Variants in LPIN3 observed in about 807,000 individuals in gnomAD.
LPIN3 encodes lipin 3.
A neutral mutation model predicts 94.7 loss-of-function variants in LPIN3; 82 were observed. The ratio of observed to expected loss-of-function variants is 0.87; its 90% CI spans 0.72 to 1.04. LPIN3 has a LOEUF of 1.04. Ranked by LOEUF, LPIN3 falls within the 50% of genes least tolerant of loss-of-function variation. The pLI is 0.00. For missense variants in LPIN3, 996 were observed against 1,090.5 expected (o/e 0.91, Z 1.22); for synonymous variants, 418 against 443.3 (o/e 0.94, Z 0.72).
In LPIN3 at chr20:41,358,947, A is replaced by C. The variant is rs1383367373; in HGVS notation, c.*81A>C. 2.6e-6 allele frequency: 4 copies of C among 1,544,402 alleles called. No homozygotes were observed. The highest frequency in any genetic ancestry group is 3.5e-6 in the Non-Finnish European group (4 of 1,140,894). ...TGGGGTATAGGAGGGTGGGAATTGG[A>C]GTGTCATGGGGCAAACCCACTGAAG... On this transcript the variant is annotated 3_prime_UTR_variant, in exon 20 of 20. Coordinates refer to ENST00000373257, the MANE Select transcript of LPIN3 (RefSeq NM_022896.3).
At chr20:41,350,898 A>G (rs1407412698) in intron 7 of LPIN3, among the ~76,000 whole-genome samples, 1 of 152,196 alleles carries the variant, frequency 6.6e-6, no homozygotes, top group African/African-American at 2.4e-5. Context: ...GTGCTAGGAA[A>G]GCACGAGACC....
chr20:41,351,062 T>A (rs2146964884), intron 7 of LPIN3, among the ~76,000 whole-genome samples: 1 of 150,006 alleles, frequency 6.7e-6, no homozygotes, highest in East Asian at 2.0e-4. Context: ...GGCAATGTAG[T>A]GAGAACCCAT....
Position 41,352,128 on chromosome 20 carries a change from C to T in LPIN3, c.1271C>T (p.Pro424Leu), listed in dbSNP as rs1419412142. 1 of 1,614,248 alleles carries T rather than the reference C, an allele frequency of 6.2e-7. No individual in the cohort carries two copies. Among genetic ancestry groups the T allele is most frequent in the Admixed American group, 1.7e-5 (1 of 60,032 alleles). ...CAGAAGTCCCTGAGGGACCCCAACC[C>T]TGAACATGAACCTGAACCCACTCTG... is the stretch of plus-strand genomic sequence containing the variant. ...SSQKSLRDPN[P>L]EHEPEPTLDT... The change falls in exon 9 of 20, where the codon CCT (proline) becomes CTT (leucine). Residue 424 changes from proline (P) to leucine (L), a missense_variant. Transcript: ENST00000373257.
In LPIN3 at chr20:41,354,658, A is replaced by T. The variant is rs1388163304; in HGVS notation, c.1541A>T (p.Lys514Met). 6.3e-7 allele frequency: 1 copy of T among 1,589,458 alleles called. No individual in the cohort carries two copies. Among genetic ancestry groups the T allele is most frequent in the Non-Finnish European group, 8.6e-7 (1 of 1,166,132 alleles). The change falls in exon 12 of 20, where the codon AAG (lysine) becomes ATG (methionine). Residue 514 changes from lysine (K) to methionine (M), a missense_variant. Lys to Met is a moderately conservative substitution (Grantham distance 95). Coordinates refer to ENST00000373257, the MANE Select transcript of LPIN3 (RefSeq NM_022896.3). ...ATCTGCCCACAGAGCACCATGGACA[A>T]GCTGGAGAGGGAGAAGATGCCCCGG... ...QKNLPKSTMD[K>M]LEREKMPRKG...
rs548575179 is a variant in LPIN3 at position 41,350,309 on chromosome 20, C to A, written c.1014C>A (p.Gly338=). 6.2e-7 allele frequency: 1 copy of A among 1,612,198 alleles called. No homozygotes were observed. ...ESKTQSSGDM[G]LPPASKSWSW... is the part of the protein sequence containing the mutation. ...AGACTCAGAGCTCTGGGGACATGGGCCTCCCTCCTGCCTCCAAGTCATGGA... is the reference window on the plus strand; with the variant it reads ...AGACTCAGAGCTCTGGGGACATGGGACTCCCTCCTGCCTCCAAGTCATGGA... Residue 338 remains glycine (G), a synonymous_variant, in exon 7 of 20, where the codon GGC becomes GGA. Coordinates refer to ENST00000373257, the MANE Select transcript of LPIN3 (RefSeq NM_022896.3).
chr20:41,340,856 G>A lies in LPIN3; in HGVS notation c.-155G>A, dbSNP rs1246925440. 1 of 152,344 alleles carries A rather than the reference G, an allele frequency of 6.6e-6. No individual in the cohort carries two copies. Among genetic ancestry groups the A allele is most frequent in the Admixed American group, 6.5e-5 (1 of 15,288 alleles). 9.4% of individuals were successfully genotyped at this position (152,344 alleles called of 1,614,324 possible). A position where few individuals can be genotyped will look rare whatever the true frequency, so the allele number is the denominator to read the frequency against. On this transcript the variant is annotated 5_prime_UTR_variant, in exon 1 of 20. Transcript: ENST00000373257. ...CTGTGGAGGCCGCACTAGGATCGTA[G>A]AAGGAGTGGAGCCGTGCTCTCACCC...
At chr20:41,357,617 C>T (rs1250589345) in intron 16 of LPIN3, among the ~76,000 whole-genome samples, 170 bp downstream of exon 16, 1 of 152,228 alleles carries the variant, frequency 6.6e-6, no homozygotes, top group Non-Finnish European at 1.5e-5. Flanking sequence ...AAAGGCTCAT[C>T]CCCTGGGGCT....
At chr20:41,356,522 C>T (rs2046214006) in intron 14 of LPIN3, among the ~76,000 whole-genome samples, 1 of 152,230 alleles carries the variant, frequency 6.6e-6, no homozygotes, top group Non-Finnish European at 1.5e-5. Context: ...TGCCATCTGT[C>T]TGGTACCCTG....
At chr20:41,354,084 G>A (rs2046121966) in intron 11 of LPIN3, among the ~76,000 whole-genome samples, 1 of 152,196 alleles carries the variant, frequency 6.6e-6, no homozygotes, top group South Asian at 2.1e-4. Context: ...GACTTGGCCT[G>A]GCCTCTCCCT....
chr20:41,352,917 C>T (rs1251056071), intron 11 of LPIN3, 50 bp downstream of exon 11: 3 of 1,593,788 alleles, frequency 1.9e-6, no homozygotes, highest in Non-Finnish European at 1.7e-6. Context: ...GCCATAGACT[C>T]AGGGCACGGA....
intron 13 of LPIN3, among the ~76,000 whole-genome samples, chr20:41,355,305 A>C (rs1234893508): frequency 1.3e-5 from 2 of 152,114 alleles, no homozygotes; most frequent in Non-Finnish European, 2.9e-5. Flanking sequence ...GAGCCACCGC[A>C]AGCACTTCTA....
chr20:41,357,800 G>A (rs1361844104), intron 16 of LPIN3, 82 bp from the exon 17 acceptor site: 2 of 1,567,262 alleles, frequency 1.3e-6, no homozygotes, highest in Non-Finnish European at 1.7e-6. Flanking sequence ...CCACAGTTGG[G>A]CTGGGCAGGC....
chr20:41,358,271 G>T lies in LPIN3; in HGVS notation c.2227G>T (p.Val743Phe). The T allele has an allele frequency of 1.9e-6, 3 of 1,614,130 alleles. No individual in the cohort carries two copies. The highest frequency in any genetic ancestry group is 2.5e-6 in the Non-Finnish European group (3 of 1,180,034). Reference sequence around the variant, plus strand: ...CGAGAAGAAACCAGAGGTGTTCAAGGTCGCCTGCCTGAGTGACATCCAGCA... The same window carrying T: ...CGAGAAGAAACCAGAGGTGTTCAAGTTCGCCTGCCTGAGTGACATCCAGCA... The part of the protein sequence containing the change: ...VIEKKPEVFK[V>F]ACLSDIQQLF... The change falls in exon 18 of 20, where the codon GTC (valine) becomes TTC (phenylalanine). Residue 743 changes from valine (V) to phenylalanine (F), a missense_variant. Transcript: ENST00000373257.
chr20:41,348,947 C>A, intron 4 of LPIN3, 60 bp downstream of exon 4: 1 of 1,585,164 alleles, frequency 6.3e-7, no homozygotes, highest in Non-Finnish European at 8.6e-7. Flanking sequence ...GTTTCCTCTG[C>A]TCATGCTGTG....
rs6072351 is a variant in LPIN3, at chr20:41,359,499, G to C, written c.*633G>C. On this transcript the variant is annotated 3_prime_UTR_variant, in exon 20 of 20. Transcript: ENST00000373257. ...CTGTCAACCTGGGACCTTGCTGTAA[G>C]TCTTGATAGGACAGGGAGAAGAGGG... The C allele has an allele frequency of 0.31, 46,675 of 151,940 alleles. 8,118 individuals carry two copies. The highest frequency in any genetic ancestry group is 0.59 in the East Asian group (3,034 of 5,154). 9.4% of individuals were successfully genotyped at this position (151,940 alleles called of 1,614,324 possible). A position where few individuals can be genotyped will look rare whatever the true frequency, so the allele number is the denominator to read the frequency against.
Position 41,345,910 on chromosome 20 carries a change from T to C in LPIN3, c.107T>C (p.Val36Ala). The change falls in exon 2 of 20, where the codon GTG becomes GCG. Residue 36 changes from valine (V) to alanine (A), a missense_variant. Physicochemically the swap from Val to Ala is moderately conservative, Grantham distance 64. Transcript: ENST00000373257. ...TLSGGIDVLV[V>A]KQVDGSFRCS... ...AGCGGCGGCATTGACGTGCTGGTGGTGAAGCAGGTGGACGGCTCGTTCCGG... is the reference window on the plus strand; with the variant it reads ...AGCGGCGGCATTGACGTGCTGGTGGCGAAGCAGGTGGACGGCTCGTTCCGG... The C allele has an allele frequency of 6.2e-7, 1 of 1,614,124 alleles. No individual in the cohort carries two copies. Among genetic ancestry groups the C allele is most frequent in the Non-Finnish European group, 8.5e-7 (1 of 1,180,022 alleles).
At position 41,351,856 on chromosome 20, in the gene LPIN3, G is replaced by A; in HGVS notation, c.1138G>A (p.Asp380Asn). 6.2e-7 allele frequency: 1 copy of A among 1,614,222 alleles called. No individual in the cohort carries two copies. Among genetic ancestry groups the A allele is most frequent in the Admixed American group, 1.7e-5 (1 of 60,028 alleles). ...GAGAAGCCAGCACCTGGGCCCCAGT[G>A]ACATCTACCTGGATGACTTGCCCTC... ...PKRSQHLGPSDIYLDDLPSLD... is the reference protein window; with the variant it reads ...PKRSQHLGPSNIYLDDLPSLD... The change falls in exon 8 of 20, where the codon GAC becomes AAC. Residue 380 changes from aspartate (D) to asparagine (N), a missense_variant. Coordinates refer to ENST00000373257, the MANE Select transcript of LPIN3 (RefSeq NM_022896.3).
Position 41,354,873 on chromosome 20 carries a change from A to G in LPIN3, c.1664+10A>G. On this transcript the variant is annotated intron_variant, in intron 13 of 19. Coordinates refer to ENST00000373257, the MANE Select transcript of LPIN3 (RefSeq NM_022896.3). ...CCAAGGAGCAGCAGGGGTGAGTGAGACCCCCTATTGGGGCTCTGCAGGGGG... is the reference window on the plus strand; with the variant it reads ...CCAAGGAGCAGCAGGGGTGAGTGAGGCCCCCTATTGGGGCTCTGCAGGGGG... 3 of 1,554,442 alleles carry G rather than the reference A, an allele frequency of 1.9e-6. No individual in the cohort carries two copies. The highest frequency in any genetic ancestry group is 2.6e-6 in the Non-Finnish European group (3 of 1,149,218).
chr20:41,342,841 T>C (rs2045635862), intron 1 of LPIN3, among the ~76,000 whole-genome samples: 1 of 151,980 alleles, frequency 6.6e-6, no homozygotes, highest in Non-Finnish European at 1.5e-5. Flanking sequence ...GGGAGATGGG[T>C]CTAAAAAACT....
Sources: allele counts gnomAD v4.1 joint callset (sites outside exome capture counted in the v4.1 genomes callset), GRCh38; gene constraint gnomAD v4.1.1; transcripts MANE v1.5; gene names NCBI Gene and HGNC (gene_info 2026-07-23, HGNC 2026-07-21).